PLCB1: variants seen among roughly 807,000 people sequenced by gnomAD.
The protein encoded by PLCB1 is 1-phosphatidylinositol 4,5-bisphosphate phosphodiesterase beta-1.
In PLCB1, 46 loss-of-function variants were observed where a neutral mutation model predicts 161.8. The observed-to-expected ratio is 0.28, with a 90% CI of 0.22 to 0.36. The LOEUF is 0.36. Ranked by LOEUF, PLCB1 falls within the 10% of genes least tolerant of loss-of-function variation. The probability of loss-of-function intolerance (pLI) is 1.00; values close to 1 mark genes in which losing one functional copy is unlikely to be tolerated. For synonymous variants in PLCB1, 517 were observed against 503.7 expected (o/e 1.03, Z -0.35); for missense variants, 1,016 against 1,472.5 (o/e 0.69, Z 5.07).
At chr20:8,402,934 C>T (rs1486811288) in intron 3 of PLCB1, among the ~76,000 whole-genome samples, 1 of 152,056 alleles carries the variant, frequency 6.6e-6, no homozygotes, top group East Asian at 1.9e-4. Flanking sequence ...GTGTCACCTC[C>T]TTATTTCTAA....
rs552488202 is a variant in PLCB1 at position 8,404,176 on chromosome 20, T to C, written c.246+32726T>C. 4.6e-5 allele frequency among the ~76,000 whole-genome samples: 7 copies of C among 152,330 alleles called. No homozygotes were observed. The East Asian group carries it at 1.3e-3, about 29-fold the overall frequency. ...GACAATCAACTTTCATTGAAAGCAA[T>C]GGGTTTTGTGATTTCATGGAATAAA... On this transcript the variant is annotated intron_variant, in intron 3 of 31. Coordinates refer to ENST00000338037, the MANE Select transcript of PLCB1 (RefSeq NM_015192.4).
intron 31 of PLCB1, among the ~76,000 whole-genome samples, chr20:8,826,495 CAAAA>C (rs5840291): frequency 1.6e-5 from 2 of 123,094 alleles, no homozygotes; most frequent in African/African-American, 6.6e-5. Flanking sequence ...GACTCCGTCT[CAAAA>C]AAAAAAAAAA....
intron 7 of PLCB1, chr20:8,650,004 C>T (rs1353988865): frequency 1.3e-5 from 2 of 152,296 alleles, no homozygotes; most frequent in African/African-American, 4.8e-5. Context: ...GGCCTCTTTT[C>T]ACTCCTATAA....
intron 3 of PLCB1, among the ~76,000 whole-genome samples, chr20:8,455,820 G>A (rs6055830): frequency 0.021 from 3,211 of 152,206 alleles, 118 homozygotes; most frequent in African/African-American, 0.073. Flanking sequence ...ACTCCCCAGC[G>A]TCACACAAAT....
At chr20:8,878,888 T>C (rs1987874303) in intron 31 of PLCB1, among the ~76,000 whole-genome samples, 1 of 152,120 alleles carries the variant, frequency 6.6e-6, no homozygotes, top group Non-Finnish European at 1.5e-5. Flanking sequence ...AGGTTTGGGA[T>C]ACGAATGATC....
chr20:8,252,442 C>T (rs1036420977), intron 2 of PLCB1, among the ~76,000 whole-genome samples: 1 of 150,388 alleles, frequency 6.6e-6, no homozygotes, highest in South Asian at 2.1e-4. Context: ...TCTCTTATCC[C>T]TGCAGAATGC....
At chr20:8,664,115 A>G (rs1989752748) in intron 9 of PLCB1, among the ~76,000 whole-genome samples, 1 of 152,078 alleles carries the variant, frequency 6.6e-6, no homozygotes, top group Non-Finnish European at 1.5e-5. Flanking sequence ...TCAGGTGTTC[A>G]TGAGTGTTTG....
At chr20:8,743,770 C>T (rs757465936) in intron 23 of PLCB1, among the ~76,000 whole-genome samples, 73 of 152,222 alleles carry the variant, frequency 4.8e-4, no homozygotes, top group Middle Eastern at 3.4e-3. Flanking sequence ...AAAATAGTTA[C>T]ATCTCTCATT....
At chr20:8,663,471 A>G (rs1989737110) in intron 9 of PLCB1, among the ~76,000 whole-genome samples, 1 of 152,144 alleles carries the variant, frequency 6.6e-6, no homozygotes, top group Admixed American at 6.6e-5. Context: ...AGTGTGACAC[A>G]TGGAAGTATG....
At chr20:8,623,226 A>G (rs1214818752) in intron 3 of PLCB1, among the ~76,000 whole-genome samples, 1 of 152,074 alleles carries the variant, frequency 6.6e-6, no homozygotes, top group Non-Finnish European at 1.5e-5. Context: ...CCAAACTTTT[A>G]GCTCCATGGG....
chr20:8,523,870 G>T (rs1014793495), intron 3 of PLCB1, among the ~76,000 whole-genome samples: 3 of 152,030 alleles, frequency 2.0e-5, no homozygotes, highest in African/African-American at 4.8e-5. Flanking sequence ...CAACTCCACG[G>T]ATGCAGAAAC....
chr20:8,197,914 G>A (rs1222222473), intron 2 of PLCB1, among the ~76,000 whole-genome samples: 1 of 152,032 alleles, frequency 6.6e-6, no homozygotes, highest in Non-Finnish European at 1.5e-5. Context: ...TGTTAAATAG[G>A]GAATCTTTTC....
chr20:8,253,775 C>T (rs1416992980), intron 2 of PLCB1, among the ~76,000 whole-genome samples: 2 of 151,414 alleles, frequency 1.3e-5, no homozygotes, highest in Non-Finnish European at 2.9e-5. Context: ...CCTTTCCTCC[C>T]TCCCCACTCT....
chr20:8,822,868 A>G (rs947725297), intron 31 of PLCB1, among the ~76,000 whole-genome samples: 5 of 152,216 alleles, frequency 3.3e-5, no homozygotes, highest in Non-Finnish European at 4.4e-5. Flanking sequence ...GTTACAGCTC[A>G]GTCAGCCCTT....
chr20:8,449,853 AAC>A (rs1980995164), intron 3 of PLCB1, among the ~76,000 whole-genome samples: 1 of 152,204 alleles, frequency 6.6e-6, no homozygotes, highest in Non-Finnish European at 1.5e-5. Context: ...TTTTTTAAAG[AAC>A]ACACACGTTA....
Position 8,360,982 on chromosome 20 carries a change from C to T in PLCB1, c.178-10400C>T, listed in dbSNP as rs2745791. Among the ~76,000 whole-genome samples the T allele has an allele frequency of 6.2e-3, 940 of 152,250 alleles. 11 individuals carry two copies. Among genetic ancestry groups the T allele is most frequent in the African/African-American group, 0.02 (848 of 41,544 alleles). On this transcript the variant is annotated intron_variant, in intron 2 of 31. Transcript: ENST00000338037. ...ACTAAGGTAAAGCAAGGATAAATGC[C>T]GTCTATCTATACTTCAGAAAATATG...
chr20:8,273,241 C>T (rs1895368892), intron 2 of PLCB1, among the ~76,000 whole-genome samples: 1 of 152,132 alleles, frequency 6.6e-6, no homozygotes, highest in African/African-American at 2.4e-5. Context: ...GGCTTTCAGC[C>T]TACCAAATCT....
At chr20:8,376,862 A>C (rs1445813640) in intron 3 of PLCB1, among the ~76,000 whole-genome samples, 1 of 152,034 alleles carries the variant, frequency 6.6e-6, no homozygotes, top group Non-Finnish European at 1.5e-5. Context: ...TGGGAGGCAG[A>C]GATTGCAGTG....
At chr20:8,386,644 A>G (rs1024182096) in intron 3 of PLCB1, among the ~76,000 whole-genome samples, 5 of 152,338 alleles carry the variant, frequency 3.3e-5, no homozygotes, top group Non-Finnish European at 5.9e-5. Flanking sequence ...AATGCCTAAC[A>G]AGAGAGTCAG....
Sources: gnomAD v4.1 joint callset for allele counts (sites outside exome capture counted in the v4.1 genomes callset) on GRCh38, gnomAD v4.1.1 for gene constraint, MANE v1.5 for transcripts, NCBI Gene and HGNC (gene_info 2026-07-23, HGNC 2026-07-21) for gene names.